E2F4: variants seen among roughly 807,000 people sequenced by gnomAD.
The protein encoded by E2F4 is E2F transcription factor 4.
In E2F4, 16 loss-of-function variants were observed where a neutral mutation model predicts 44.5. The ratio of observed to expected loss-of-function variants is 0.36; its 90% CI spans 0.24 to 0.55. The LOEUF (loss-of-function observed/expected upper bound fraction) is 0.55. E2F4 is among the 20% of genes least tolerant of loss of function. The pLI is 0.87. For synonymous variants in E2F4, 242 were observed against 207.2 expected, an observed-to-expected ratio of 1.17 and a Z score of -1.44; for missense variants, 473 against 522.1, an observed-to-expected ratio of 0.91 and a Z score of 0.92.
At chr16:67,194,635 A>G (rs748249574) in intron 5 of E2F4, 51 bp from the exon 6 acceptor site, 4 of 1,592,794 alleles carry the variant, frequency 2.5e-6, no homozygotes, top group Admixed American at 3.4e-5. Context: ...GGCAGGAGCC[A>G]AGCCTGCTTA....
Position 67,195,954 on chromosome 16 carries a change from C to G in E2F4, c.981C>G (p.Ser327=). The G allele has an allele frequency of 6.2e-7, 1 of 1,614,132 alleles. No individual in the cohort carries two copies. The highest frequency in any genetic ancestry group is 8.5e-7 in the Non-Finnish European group (1 of 1,180,000). The change falls in exon 7 of 10, where the codon TCC becomes TCG. Residue 327 remains serine (S), a synonymous_variant. Transcript: ENST00000379378. ...SSSNSNSSSS[S]GPNPSTSFEP... is the part of the protein sequence containing the mutation. ...GCAACAGTAACAGCAGCAGTTCGTC[C>G]GGACCCAACCCTTCTACCTCCTTTG... is the stretch of plus-strand genomic sequence containing the variant.
chr16:67,194,740 A>C lies in E2F4; in HGVS notation c.568A>C (p.Ile190Leu). The C allele has an allele frequency of 1.2e-6, 2 of 1,614,162 alleles. No individual in the cohort carries two copies. The highest frequency in any genetic ancestry group is 1.7e-6 in the Non-Finnish European group (2 of 1,180,016). Residue 190 changes from isoleucine (I) to leucine (L), a missense_variant, in exon 6 of 10, where the codon ATT becomes CTT. By Grantham distance (5) the Ile-to-Leu change is conservative. Around this residue, in one of 3 missense-constraint regions of E2F4, gnomAD observed 314 missense variants for 315.6 expected, o/e 0.99. Transcript: ENST00000379378. ...QIHLKSVSGP[I>L]EVLLVNKEAW... ...TCACCTGAAGAGTGTGAGTGGTCCC[A>C]TTGAGGTTCTGCTGGTGAACAAGGA...
intron 4 of E2F4, 33 bp from the exon 5 acceptor site, chr16:67,194,365 A>G (rs2032933655): frequency 1.2e-6 from 2 of 1,612,390 alleles, no homozygotes; most frequent in East Asian, 2.2e-5. Flanking sequence ...GATTGAGCCC[A>G]TGGGCTCTGA....
At chr16:67,192,534 C>A in intron 1 of E2F4, 172 bp downstream of exon 1, 1 of 1,115,416 alleles carries the variant, frequency 9.0e-7, no homozygotes, top group Non-Finnish European at 1.2e-6. Context: ...GGCCATCGAG[C>A]TACAGCTATG....
At chr16:67,194,564 G>T in intron 5 of E2F4, 105 bp downstream of exon 5, 2 of 1,576,230 alleles carry the variant, frequency 1.3e-6, no homozygotes, top group East Asian at 2.3e-5. Flanking sequence ...GGAGTTTGGG[G>T]TTATCTAGGA....
chr16:67,194,804 C>T lies in E2F4; in HGVS notation c.632C>T (p.Pro211Leu). ...CCCCCTGTGGCTGTGCCTGTGCCACCACCTGAAGATTTGCTCCAGAGCCCA... is the reference window on the plus strand; with the variant it reads ...CCCCCTGTGGCTGTGCCTGTGCCACTACCTGAAGATTTGCTCCAGAGCCCA... Reference protein sequence around the residue: ...SSPPVAVPVPPPEDLLQSPSA... With the variant: ...SSPPVAVPVPLPEDLLQSPSA... The change falls in exon 6 of 10, where the codon CCA becomes CTA. Residue 211 changes from proline (P) to leucine (L), a missense_variant. Pro to Leu is a moderately conservative substitution (Grantham distance 98). Transcript: ENST00000379378. 1.2e-6 allele frequency: 2 copies of T among 1,614,186 alleles called. No homozygotes were observed. Among genetic ancestry groups the T allele is most frequent in the Non-Finnish European group, 1.7e-6 (2 of 1,180,024 alleles).
chr16:67,193,144 C>T lies in E2F4; in HGVS notation c.381C>T (p.Asn127=), dbSNP rs1413879228. Residue 127 remains asparagine (N), a synonymous_variant, in exon 3 of 10, where the codon AAC becomes AAT. Coordinates refer to ENST00000379378, the MANE Select transcript of E2F4 (RefSeq NM_001950.4). The part of the protein sequence containing the change: ...HKVWVQQSIR[N]VTEDVQNSCL... ...TGTGGGTGCAGCAGAGCATCCGGAA[C>T]GTCACAGAGGACGTGCAGAACAGCT... 6.4e-7 allele frequency: 1 copy of T among 1,573,310 alleles called. No individual in the cohort carries two copies. The highest frequency in any genetic ancestry group is 1.9e-5 in the Admixed American group (1 of 54,026).
chr16:67,195,132 C>T (rs1311820339), intron 6 of E2F4, 152 bp downstream of exon 6: 18 of 1,076,024 alleles, frequency 1.7e-5, no homozygotes, highest in Non-Finnish European at 2.3e-5. Context: ...ATGAATGAGC[C>T]TTTTTTGTTT....
Position 67,193,480 on chromosome 16 carries a change from A to C in E2F4, c.416A>C (p.Tyr139Ser). The change falls in exon 4 of 10, where the codon TAC (tyrosine) becomes TCC (serine). Residue 139 changes from tyrosine (Y) to serine (S), a missense_variant. Physicochemically the swap from Tyr to Ser is moderately radical, Grantham distance 144 (BLOSUM62 -2). Around this residue, in one of 3 missense-constraint regions of E2F4, gnomAD observed 119 missense variants for 175.6 expected, o/e 0.68. Transcript: ENST00000379378. ...TEDVQNSCLA[Y>S]VTHEDICRCF... Reference sequence around the variant, plus strand: ...CTCCTTAACCCTCACACTTTGGCCTACGTCACTCATGAGGACATCTGCAGA... The same window carrying C: ...CTCCTTAACCCTCACACTTTGGCCTCCGTCACTCATGAGGACATCTGCAGA... 6.2e-7 allele frequency: 1 copy of C among 1,614,186 alleles called. No homozygotes were observed. The highest frequency in any genetic ancestry group is 8.5e-7 in the Non-Finnish European group (1 of 1,180,024).
Position 67,192,254 on chromosome 16 carries a change from G to A in E2F4, c.27G>A (p.Pro9=), listed in dbSNP as rs568831542. Residue 9 remains proline (P), a synonymous_variant, in exon 1 of 10, where the codon CCG becomes CCA. Coordinates refer to ENST00000379378, the MANE Select transcript of E2F4 (RefSeq NM_001950.4). MAEAGPQA[P]PPPGTPSRHE... is the part of the protein sequence containing the mutation. ...TGGCGGAGGCCGGGCCACAGGCGCC[G>A]CCGCCCCCGGGCACTCCAAGCCGGC... 1.8e-4 allele frequency: 211 copies of A among 1,148,576 alleles called. 2 individuals are homozygous for A. The East Asian group carries it at 5.7e-3, about 31-fold the overall frequency. 71.1% of individuals were successfully genotyped at this position (1,148,576 alleles called of 1,614,324 possible).
intron 7 of E2F4, among the ~76,000 whole-genome samples, chr16:67,197,211 G>A (rs1176270976): frequency 1.3e-5 from 2 of 152,082 alleles, no homozygotes; most frequent in Admixed American, 6.6e-5. Context: ...ACCCTGTAGC[G>A]CCACCACCTC....
rs1007992288 is a variant in E2F4, at chr16:67,193,526, C to T, written c.451+11C>T. The T allele has an allele frequency of 6.2e-7, 1 of 1,613,992 alleles. No individual in the cohort carries two copies. Among genetic ancestry groups the T allele is most frequent in the African/African-American group, 1.3e-5 (1 of 74,916 alleles). On this transcript the variant is annotated intron_variant, in intron 4 of 9. Coordinates refer to ENST00000379378, the MANE Select transcript of E2F4 (RefSeq NM_001950.4). ...GCAGATGCTTTGCTGGTGAGCAGAG[C>T]CTGGGTAGGGGTAAGGGGGTGGGCT...
At chr16:67,197,952 T>C (rs1046449436) in intron 9 of E2F4, 41 bp downstream of exon 9, 1 of 1,614,002 alleles carries the variant, frequency 6.2e-7, no homozygotes, top group Non-Finnish European at 8.5e-7. Context: ...TGGGCAGGGG[T>C]TGGGCTGCTG....
Position 67,192,885 on chromosome 16 carries a change from T to TG in E2F4, c.245+18dup, listed in dbSNP as rs781649768. ...ATCCAGTGGAAGTGAGTGGGCATAG[T>TG]GGGAGGGTAGTAGAGTCTCCCACCC... On this transcript the variant is annotated intron_variant, in intron 2 of 9. Coordinates refer to ENST00000379378, the MANE Select transcript of E2F4 (RefSeq NM_001950.4). 8.0e-5 allele frequency: 128 copies of TG among 1,601,802 alleles called. No homozygotes were observed. Among genetic ancestry groups the TG allele is most frequent in the Non-Finnish European group, 1.0e-4 (118 of 1,173,198 alleles).
rs978674373 is a variant in E2F4 at position 67,192,329 on chromosome 16, G to A, written c.102G>A (p.Gln34=). The change falls in exon 1 of 10, where the codon CAG becomes CAA. Residue 34 remains glutamine (Q), a synonymous_variant. Transcript: ENST00000379378. ...LLTTKFVSLL[Q]EAKDGVLDLK... ...CCACCAAGTTCGTGTCCCTTCTGCA[G>A]GAGGCCAAGGACGGCGTGCTTGACC... The A allele has an allele frequency of 2.8e-6, 4 of 1,431,244 alleles. No homozygotes were observed. The African/African-American group carries it at 5.8e-5, about 21-fold the overall frequency. 88.7% of individuals were successfully genotyped at this position (1,431,244 alleles called of 1,614,324 possible). A position where few individuals can be genotyped will look rare whatever the true frequency, so the allele number is the denominator to read the frequency against.
At chr16:67,195,741 T>TCCTGA in intron 6 of E2F4, 41 bp from the exon 7 acceptor site, 2 of 1,612,788 alleles carry the variant, frequency 1.2e-6, no homozygotes, top group South Asian at 1.1e-5. Context: ...AACGACCTCT[T>TCCTGA]CCTGACCTTG....
rs541969393 is a variant in E2F4, at chr16:67,198,114, C to G, written c.1233C>G (p.Leu411=). The G allele has an allele frequency of 3.1e-6, 5 of 1,613,438 alleles. No individual in the cohort carries two copies. The South Asian group carries it at 5.5e-5, about 18-fold the overall frequency. The change falls in exon 10 of 10, where the codon CTC becomes CTG. Residue 411 remains leucine, a synonymous_variant. Coordinates refer to ENST00000379378, the MANE Select transcript of E2F4 (RefSeq NM_001950.4). Reference sequence around the variant, plus strand: ...GTGACCTCTTTGATGTGCCTGTTCTCAACCTCTGACTGACAGGGACATGCC... The same window carrying G: ...GTGACCTCTTTGATGTGCCTGTTCTGAACCTCTGACTGACAGGGACATGCC... ...GVCDLFDVPV[L]NL is the part of the protein sequence containing the mutation.
intron 7 of E2F4, 21 bp downstream of exon 7, chr16:67,196,027 G>A: frequency 6.2e-7 from 1 of 1,612,702 alleles, no homozygotes; most frequent in Non-Finnish European, 8.5e-7. Context: ...GCCCCCTGGG[G>A]GCAGAGAGAG....
In E2F4 at chr16:67,195,885, G is replaced by T; in HGVS notation, c.912G>T (p.Leu304=). The change falls in exon 7 of 10, where the codon CTG becomes CTT. Residue 304 remains leucine, a synonymous_variant. Transcript: ENST00000379378. ...LDTRPLQSSA[L]LDSSSSSSSS... ...CCCGGCCACTGCAGTCTTCTGCCCT[G>T]CTGGACAGCAGCAGCAGCAGCAGCA... 1 of 1,603,536 alleles carries T rather than the reference G, an allele frequency of 6.2e-7. No individual in the cohort carries two copies. The highest frequency in any genetic ancestry group is 8.5e-7 in the Non-Finnish European group (1 of 1,176,388).
Sources: allele counts gnomAD v4.1 joint callset (sites outside exome capture counted in the v4.1 genomes callset), GRCh38; gene constraint gnomAD v4.1.1; regional missense constraint gnomAD v4.1.1; transcripts MANE v1.5; gene names NCBI Gene and HGNC (gene_info 2026-07-23, HGNC 2026-07-21).